CAPS2: variants seen among roughly 807,000 people sequenced by gnomAD.
CAPS2 encodes calcyphosin-2.
In CAPS2, 98 loss-of-function variants were observed where a neutral mutation model predicts 86.5. The observed-to-expected ratio is 1.13, with a 90% CI of 0.96 to 1.34. The LOEUF is 1.34. Among genes scored for constraint, CAPS2 ranks in the 40% most tolerant of loss-of-function variants. The probability of loss-of-function intolerance (pLI) is 0.00; values close to 1 mark genes in which losing one functional copy is unlikely to be tolerated. For missense variants in CAPS2, 729 were observed against 686.8 expected (o/e 1.06, Z -0.69); for synonymous variants, 210 against 225.1 (o/e 0.93, Z 0.60).
intron 13 of CAPS2, among the ~76,000 whole-genome samples, chr12:75,289,992 G>A (rs2035562691): frequency 6.6e-6 from 1 of 152,126 alleles, no homozygotes. Flanking sequence ...CAGAACTATA[G>A]CACCACTGTG....
At chr12:75,289,490 G>T in intron 14 of CAPS2, 131 bp downstream of exon 14, 2 of 746,048 alleles carry the variant, frequency 2.7e-6, no homozygotes, top group Non-Finnish European at 4.2e-6. Context: ...CTTGTAACCT[G>T]ATAGCTTAAC....
At chr12:75,296,089 C>T (rs1195375166) in intron 11 of CAPS2, among the ~76,000 whole-genome samples, 2 of 152,112 alleles carry the variant, frequency 1.3e-5, no homozygotes, top group Admixed American at 6.5e-5. Context: ...TAGTAGAACA[C>T]AGCAGTTTAG....
At chr12:75,299,748 TA>T in intron 9 of CAPS2, 88 bp downstream of exon 9, 2 of 587,348 alleles carry the variant, frequency 3.4e-6, no homozygotes, top group Non-Finnish European at 6.0e-6. Flanking sequence ...GACACAAACC[TA>T]TATAATCTCA....
intron 14 of CAPS2, among the ~76,000 whole-genome samples, chr12:75,289,027 TAGA>T (rs2035390258): frequency 6.6e-6 from 1 of 152,144 alleles, no homozygotes; most frequent in Admixed American, 6.6e-5. Flanking sequence ...GAAGATCTAG[TAGA>T]AGATTATTCA....
At chr12:75,279,138 A>C in intron 16 of CAPS2, 73 bp from the exon 17 acceptor site, 8 of 1,235,774 alleles carry the variant, frequency 6.5e-6, no homozygotes, top group Non-Finnish European at 7.8e-6. Flanking sequence ...ATAAAGGAAT[A>C]CTTAATCATC....
At chr12:75,323,060 T>C (rs1472986982) in exon 4 of CAPS2, 1 of 1,549,912 alleles carries the variant, frequency 6.5e-7, no homozygotes, top group African/African-American at 1.4e-5. Context: ...AGGTTTGCTG[T>C]ACTAAGTGGA....
At chr12:75,379,802 T>A (rs1393918586) in intron 1 of CAPS2, among the ~76,000 whole-genome samples, 1 of 150,238 alleles carries the variant, frequency 6.7e-6, no homozygotes, top group Non-Finnish European at 1.5e-5. Context: ...GAAGAGATAG[T>A]TTAAACAGTA....
At chr12:75,358,772 AAT>A (rs1471132865) in intron 1 of CAPS2, among the ~76,000 whole-genome samples, 1 of 144,304 alleles carries the variant, frequency 6.9e-6, no homozygotes, top group Non-Finnish European at 1.5e-5. Context: ...TATATGTTTA[AAT>A]ATATATAATA....
intron 7 of CAPS2, chr12:75,306,247 G>T (rs2038479839): frequency 1.6e-6 from 1 of 640,920 alleles, no homozygotes; most frequent in Non-Finnish European, 2.8e-6. Flanking sequence ...TGCAAATCAT[G>T]GAGTTCCTGG....
exon 17 of CAPS2, chr12:75,277,478 G>A (rs2033135849): frequency 3.3e-6 from 3 of 906,556 alleles, no homozygotes; most frequent in Non-Finnish European, 4.0e-6. Context: ...CTGCCAAAAT[G>A]TCTTCTAGCA....
intron 1 of CAPS2, among the ~76,000 whole-genome samples, chr12:75,380,453 T>C (rs1381100486): frequency 6.6e-6 from 1 of 152,176 alleles, no homozygotes; most frequent in Non-Finnish European, 1.5e-5. Context: ...AACTCACCTG[T>C]AGTTATATTC....
intron 2 of CAPS2, 26 bp from the exon 4 acceptor site, chr12:75,323,248 G>A (rs1230904025): frequency 3.0e-5 from 46 of 1,526,840 alleles, no homozygotes; most frequent in Admixed American, 1.2e-4. Flanking sequence ...TATGTATCCC[G>A]TAACTTTTTA....
intron 1 of CAPS2, chr12:75,365,020 G>A (rs1472525629): frequency 6.6e-6 from 1 of 152,118 alleles, no homozygotes; most frequent in Non-Finnish European, 1.5e-5. Flanking sequence ...TTAGGCATCT[G>A]TGTACCCATC....
At chr12:75,276,479 C>T, downstream of CAPS2, 1 of 977,834 alleles carries the variant, frequency 1.0e-6, no homozygotes, top group Non-Finnish European at 1.2e-6. Context: ...GTGACTGCCT[C>T]TATGCAGAGT....
chr12:75,303,275 C>T lies in CAPS2; in HGVS notation c.779+1482G>A, dbSNP rs142493790. On this transcript the variant is annotated intron_variant, in intron 8 of 16. Coordinates refer to ENST00000393284, the Ensembl canonical transcript of CAPS2. ...CATTTCACTATGTATATCAAAATAT[C>T]ATGTTGTACATCTTATATACAATTA... Among the ~76,000 whole-genome samples the T allele has an allele frequency of 3.5e-3, 540 of 152,254 alleles. 1 individual carries two copies. The highest frequency in any genetic ancestry group is 7.3e-3 in the Admixed American group (111 of 15,298).
chr12:75,299,963 T>C (rs781504795), intron 8 of CAPS2, 52 bp from the exon 9 acceptor site: 2 of 721,726 alleles, frequency 2.8e-6, no homozygotes, highest in Non-Finnish European at 4.5e-6. Flanking sequence ...TATAACTTGA[T>C]GGAAATTGTA....
rs375729636 is a variant in CAPS2, at chr12:75,282,261, T to C, written c.1602A>G (p.Gln534=). Residue 534 remains glutamine (Q), a synonymous_variant, in exon 16 of 17, where the codon CAA becomes CAG. Coordinates refer to ENST00000393284, the Ensembl canonical transcript of CAPS2. Reference sequence around the variant, plus strand: ...ACTCCGAATAATTACCTGAAATTACTTGAGAATGCTTCTTTGCACAGTAAC... The same window carrying C: ...ACTCCGAATAATTACCTGAAATTACCTGAGAATGCTTCTTTGCACAGTAAC... The C allele has an allele frequency of 1.2e-5, 19 of 1,552,588 alleles. No homozygotes were observed. The African/African-American group carries it at 2.3e-4, about 19-fold the overall frequency.
intron 1 of CAPS2, among the ~76,000 whole-genome samples, chr12:75,368,990 T>C (rs2044177706): frequency 6.6e-6 from 1 of 152,034 alleles, no homozygotes; most frequent in Non-Finnish European, 1.5e-5. Context: ...TTATGTTCTA[T>C]GACTTTTGAC....
chr12:75,388,176 A>T (rs900617752), intron 1 of CAPS2, among the ~76,000 whole-genome samples: 2 of 152,146 alleles, frequency 1.3e-5, no homozygotes, highest in Non-Finnish European at 2.9e-5. Flanking sequence ...GGTTTTATAA[A>T]GAGTAGTTCC....
Sources: gnomAD v4.1 joint callset for allele counts (sites outside exome capture counted in the v4.1 genomes callset) on GRCh38, gnomAD v4.1.1 for gene constraint, MANE v1.5 for transcripts, NCBI Gene and HGNC (gene_info 2026-07-23, HGNC 2026-07-21) for gene names.